Variants in ABCA9 observed in about 807,000 individuals in gnomAD.
The protein encoded by ABCA9 is ATP binding cassette subfamily A member 9.
A neutral mutation model predicts 205.3 loss-of-function variants in ABCA9; 183 were observed. That is an observed-to-expected ratio of 0.89 (90% CI 0.79 to 1.01). The LOEUF (loss-of-function observed/expected upper bound fraction) is 1.01. Ranked by LOEUF, ABCA9 falls within the 50% of genes least tolerant of loss-of-function variation. The probability of loss-of-function intolerance (pLI) is 0.00; values close to 1 mark genes in which losing one functional copy is unlikely to be tolerated. For missense variants in ABCA9, 1,805 were observed against 1,912.4 expected (o/e 0.94, Z 1.05); for synonymous variants, 651 against 683.3 (o/e 0.95, Z 0.74).
At chr17:69,015,034 C>A in intron 22 of ABCA9, among the ~76,000 whole-genome samples, 1 of 152,140 alleles carries the variant, frequency 6.6e-6, no homozygotes, top group Non-Finnish European at 1.5e-5. Context: ...CTCCCCAGCA[C>A]CAGTTCCATA....
intron 19 of ABCA9, among the ~76,000 whole-genome samples, chr17:69,019,203 C>A (rs1442399325): frequency 6.6e-6 from 1 of 151,994 alleles, no homozygotes; most frequent in African/African-American, 2.4e-5. Flanking sequence ...TCATTGTCTC[C>A]ATATTCTACC....
Position 69,032,108 on chromosome 17 carries a change from C to T in ABCA9, c.1445G>A (p.Arg482Lys), listed in dbSNP as rs756261665. 4 of 1,607,354 alleles carry T rather than the reference C, an allele frequency of 2.5e-6. No homozygotes were observed. Among genetic ancestry groups the T allele is most frequent in the Non-Finnish European group, 3.4e-6 (4 of 1,176,938 alleles). Residue 482 changes from arginine (R) to lysine (K), a missense_variant and splice_region_variant, in exon 10 of 39, where the codon AGA (arginine) becomes AAA (lysine). Physicochemically the swap from Arg to Lys is conservative, Grantham distance 26. Transcript: ENST00000340001. The part of the protein sequence containing the change: ...SPEFCGKEAI[R>K]IKNLKKEYAG... Reference sequence around the variant, plus strand: ...TGCCTCCAAGTAATTTATTGGTTACCTGATGGCTTCTTTCCCACAGAATTC... The same window carrying T: ...TGCCTCCAAGTAATTTATTGGTTACTTGATGGCTTCTTTCCCACAGAATTC...
intron 6 of ABCA9, chr17:69,042,809 C>T (rs1041533178): frequency 7.2e-5 from 11 of 152,200 alleles, no homozygotes; most frequent in African/African-American, 2.7e-4. Context: ...AAAGTGGCAA[C>T]ATTTGTATTG....
chr17:69,017,244 G>A (rs1196077030), intron 21 of ABCA9, among the ~76,000 whole-genome samples: 3 of 152,006 alleles, frequency 2.0e-5, no homozygotes, highest in African/African-American at 7.2e-5. Context: ...AGAGATCTCT[G>A]ACTCAAATTC....
In ABCA9 at chr17:68,996,575, T is replaced by G. The variant is rs114369553; in HGVS notation, c.3436-561A>C. Reference sequence around the variant, plus strand: ...TTAAAATTTATGTGCACTTAAAATTTTAACAGTTGCTAACATTTTGTGTAA... The same window carrying G: ...TTAAAATTTATGTGCACTTAAAATTGTAACAGTTGCTAACATTTTGTGTAA... On this transcript the variant is annotated intron_variant, in intron 25 of 38. Coordinates refer to ENST00000340001, the MANE Select transcript of ABCA9 (RefSeq NM_080283.4). 6.5e-3 allele frequency among the ~76,000 whole-genome samples: 984 copies of G among 152,364 alleles called. 18 individuals carry two copies. The highest frequency in any genetic ancestry group is 0.023 in the African/African-American group (950 of 41,586).
In ABCA9 at chr17:69,027,749, G is replaced by C; in HGVS notation, c.1682C>G (p.Thr561Ser). Residue 561 changes from threonine (T) to serine (S), a missense_variant, in exon 13 of 39, where the codon ACT (threonine) becomes AGT (serine). Coordinates refer to ENST00000340001, the MANE Select transcript of ABCA9 (RefSeq NM_080283.4). ...MADIENISKFTGFCPQSNVQF... is the reference protein window; with the variant it reads ...MADIENISKFSGFCPQSNVQF... Reference sequence around the variant, plus strand: ...CACATTGGATTGTGGACAAAATCCAGTGAACTTGCTGATATTTTCTATATC... The same window carrying C: ...CACATTGGATTGTGGACAAAATCCACTGAACTTGCTGATATTTTCTATATC... 2 of 1,612,464 alleles carry C rather than the reference G, an allele frequency of 1.2e-6. No individual in the cohort carries two copies. The highest frequency in any genetic ancestry group is 2.2e-5 in the East Asian group (1 of 44,788).
Position 69,020,498 on chromosome 17 carries a change from G to A in ABCA9, c.2490C>T (p.His830=), listed in dbSNP as rs750381974. Residue 830 remains histidine (H), a synonymous_variant, in exon 19 of 39, where the codon CAC becomes CAT. Transcript: ENST00000340001. ...CGCCACTGATTGTTTTCCTTGTTTC[G>A]TGGAAGGAAGACAAAACTTGTTCCA... ...VELEQVLSSF[H]ETRKTISGVA... is the part of the protein sequence containing the mutation. 3.1e-5 allele frequency: 50 copies of A among 1,613,978 alleles called. No homozygotes were observed. The highest frequency in any genetic ancestry group is 3.3e-5 in the Non-Finnish European group (39 of 1,179,950).
intron 6 of ABCA9, 116 bp downstream of exon 6, chr17:69,043,373 C>T: frequency 1.3e-6 from 1 of 746,966 alleles, no homozygotes; most frequent in Non-Finnish European, 2.2e-6. Context: ...CCTAACTGGC[C>T]ATGGACCAGT....
Position 69,012,047 on chromosome 17 carries a change from T to C in ABCA9, c.3076A>G (p.Thr1026Ala), listed in dbSNP as rs1252580777. Residue 1026 changes from threonine (T) to alanine (A), a missense_variant, in exon 23 of 39, where the codon ACC (threonine) becomes GCC (alanine). Coordinates refer to ENST00000340001, the MANE Select transcript of ABCA9 (RefSeq NM_080283.4). The stretch of plus-strand genomic sequence containing the variant: ...GCTGCCATCGGTATCCAGAAGAAGG[T>C]GTTACTTCGGTACCCATACTCATAA... ...MDYEYGYRSN[T>A]FFWIPMAASF... 6.2e-7 allele frequency: 1 copy of C among 1,613,232 alleles called. No homozygotes were observed. Among genetic ancestry groups the C allele is most frequent in the East Asian group, 2.2e-5 (1 of 44,850 alleles).
intron 25 of ABCA9, among the ~76,000 whole-genome samples, chr17:69,002,293 C>T (rs1297947871): frequency 2.4e-3 from 227 of 93,382 alleles, no homozygotes; most frequent in Admixed American, 3.8e-3. Context: ...GCTTTGAATG[C>T]GTCCCAGAGA....
chr17:69,000,352 C>T (rs939006007), intron 25 of ABCA9, among the ~76,000 whole-genome samples: 9 of 150,830 alleles, frequency 6.0e-5, no homozygotes, highest in Middle Eastern at 6.9e-3. Context: ...TATGGCTAGC[C>T]AGTTTTCCCA....
intron 10 of ABCA9, 47 bp downstream of exon 10, chr17:69,032,061 G>A (rs1482920613): frequency 3.2e-6 from 5 of 1,548,474 alleles, no homozygotes; most frequent in Non-Finnish European, 4.4e-6. Context: ...CAGATCCCCA[G>A]TCTCTGCCTG....
chr17:69,026,497 C>T (rs1279972106), intron 15 of ABCA9, 30 bp from the exon 16 acceptor site: 1 of 1,540,776 alleles, frequency 6.5e-7, no homozygotes, highest in East Asian at 2.2e-5. Flanking sequence ...AGATAAGTTA[C>T]ATGAAGGACT....
chr17:69,070,381 A>T, the ABCA9 span, among the ~76,000 whole-genome samples: 1 of 152,136 alleles, frequency 6.6e-6, no homozygotes, highest in African/African-American at 2.4e-5. Flanking sequence ...CTGCATTTCC[A>T]ACTGAGGTAC....
chr17:69,055,730 C>T (rs903505801), intron 1 of ABCA9, among the ~76,000 whole-genome samples: 1 of 152,126 alleles, frequency 6.6e-6, no homozygotes, highest in Non-Finnish European at 1.5e-5. Flanking sequence ...CTCATGCTCA[C>T]ATGGAACGCT....
chr17:69,071,279 C>T, the ABCA9 span, among the ~76,000 whole-genome samples: 1 of 152,212 alleles, frequency 6.6e-6, no homozygotes, highest in South Asian at 2.1e-4. Context: ...GTCCCTGACC[C>T]CTGTGCCTTC....
chr17:68,995,753 G>A lies in ABCA9; in HGVS notation c.3555+142C>T, dbSNP rs1369180485. ...ATCAGAACATGCCCCTTATCCATGC[G>A]TGGCAAGAGAACTGACTTTCCAAAG... is the stretch of plus-strand genomic sequence containing the variant. On this transcript the variant is annotated intron_variant, in intron 26 of 38. Transcript: ENST00000340001. 1.4e-5 allele frequency: 15 copies of A among 1,105,796 alleles called. No homozygotes were observed. The East Asian group carries it at 2.4e-4, about 18-fold the overall frequency. 68.5% of individuals were successfully genotyped at this position (1,105,796 alleles called of 1,614,324 possible).
At position 69,018,521 on chromosome 17, in the gene ABCA9, A is replaced by T; in HGVS notation, c.2659T>A (p.Ser887Thr). The T allele has an allele frequency of 6.2e-7, 1 of 1,608,854 alleles. No individual in the cohort carries two copies. The highest frequency in any genetic ancestry group is 8.5e-7 in the Non-Finnish European group (1 of 1,177,640). Residue 887 changes from serine to threonine, a missense_variant, in exon 20 of 39, where the codon TCA becomes ACA. By Grantham distance (58) the Ser-to-Thr change is moderately conservative (BLOSUM62 1). Transcript: ENST00000340001. ...PQLLEHLFYE[S>T]YQKSYPWELS... ...TCCCACGGGTAACTTTTCTGATATG[A>T]CTCGTAGAATAGATGTTCCAAAAGT...
chr17:69,009,946 A>C (rs2070309102), intron 23 of ABCA9, among the ~76,000 whole-genome samples: 1 of 152,188 alleles, frequency 6.6e-6, no homozygotes, highest in Non-Finnish European at 1.5e-5. Flanking sequence ...AAATACTTAT[A>C]CTAAAAAAAT....
Sources: allele counts gnomAD v4.1 joint callset (sites outside exome capture counted in the v4.1 genomes callset), GRCh38; gene constraint gnomAD v4.1.1; transcripts MANE v1.5; gene names NCBI Gene and HGNC (gene_info 2026-07-23, HGNC 2026-07-21).